ALPK1: variants seen among roughly 807,000 people sequenced by gnomAD.
ALPK1 encodes the protein alpha kinase 1.
In ALPK1, 110 loss-of-function variants were observed where a neutral mutation model predicts 120.6. That is an observed-to-expected ratio of 0.91 (90% CI 0.78 to 1.07). The LOEUF is 1.07. Among genes scored for constraint, ALPK1 ranks in the 50% least tolerant of loss-of-function variants. The probability of loss-of-function intolerance (pLI) is 0.00; values close to 1 mark genes in which losing one functional copy is unlikely to be tolerated. For missense variants in ALPK1, 1,498 were observed against 1,483.9 expected, an observed-to-expected ratio of 1.01 and a Z score of -0.16; for synonymous variants, 582 against 560.3, an observed-to-expected ratio of 1.04 and a Z score of -0.55.
chr4:112,354,688 G>A (rs972477652), intron 2 of ALPK1, among the ~76,000 whole-genome samples: 4 of 152,030 alleles, frequency 2.6e-5, no homozygotes, highest in African/African-American at 7.2e-5. Context: ...GGCTGGTCTC[G>A]AACTCCTGGC....
chr4:112,376,398 T>C (rs1273499319), intron 2 of ALPK1, among the ~76,000 whole-genome samples: 2 of 150,534 alleles, frequency 1.3e-5, no homozygotes, highest in Non-Finnish European at 3.0e-5. Context: ...ATGTGTGTAA[T>C]GTGTGTGTGT....
intron 5 of ALPK1, among the ~76,000 whole-genome samples, chr4:112,422,518 C>G (rs1734044579): frequency 6.6e-6 from 1 of 152,172 alleles, no homozygotes; most frequent in East Asian, 1.9e-4. Flanking sequence ...CTTCCAGGAA[C>G]AATTTCTTCA....
chr4:112,341,543 T>G (rs1729863696), intron 2 of ALPK1, among the ~76,000 whole-genome samples: 1 of 152,252 alleles, frequency 6.6e-6, no homozygotes, highest in African/African-American at 2.4e-5. Flanking sequence ...AAATATGTGC[T>G]GTACCAAATT....
chr4:112,329,698 T>C (rs1312166788), intron 2 of ALPK1, among the ~76,000 whole-genome samples: 1 of 152,224 alleles, frequency 6.6e-6, no homozygotes, highest in Non-Finnish European at 1.5e-5. Context: ...AAATAGGCTC[T>C]GGAAGACAGT....
intron 9 of ALPK1, 59 bp downstream of exon 9, chr4:112,427,724 G>T: frequency 2.4e-6 from 3 of 1,252,164 alleles, no homozygotes; most frequent in South Asian, 1.2e-5. Context: ...GTCCTTGGTG[G>T]TTGGTTAGTG....
rs1344102033 is a variant in ALPK1 at position 112,412,012 on chromosome 4, C to T, written c.462C>T (p.Ile154=). 1.2e-6 allele frequency: 2 copies of T among 1,614,068 alleles called. No individual in the cohort carries two copies. The highest frequency in any genetic ancestry group is 4.5e-5 in the East Asian group (2 of 44,878). Reference sequence around the variant, plus strand: ...AGGTGGTTATTCGCCAAGCCCGAATCTCCGTGAACTCAGGTATGCTCCCTC... The same window carrying T: ...AGGTGGTTATTCGCCAAGCCCGAATTTCCGTGAACTCAGGTATGCTCCCTC... The part of the protein sequence containing the change: ...APQVVIRQAR[I]SVNSGKLLKA... The change falls in exon 5 of 16, where the codon ATC becomes ATT. Residue 154 remains isoleucine, a synonymous_variant. Coordinates refer to ENST00000650871, the MANE Select transcript of ALPK1 (RefSeq NM_025144.4).
intron 2 of ALPK1, among the ~76,000 whole-genome samples, chr4:112,377,451 G>C (rs1299750590): frequency 6.6e-6 from 1 of 152,178 alleles, no homozygotes; most frequent in Non-Finnish European, 1.5e-5. Context: ...ACTGTGGATA[G>C]ATAACTGGGG....
chr4:112,434,368 G>C (rs1734702437), intron 11 of ALPK1, among the ~76,000 whole-genome samples: 1 of 152,110 alleles, frequency 6.6e-6, no homozygotes, highest in African/African-American at 2.4e-5. Flanking sequence ...GCCCAGAACT[G>C]TCAGTTTATC....
In ALPK1 at chr4:112,431,762, C is replaced by T. The variant is rs1734566588; in HGVS notation, c.2215C>T (p.Gln739Ter). The T allele has an allele frequency of 6.2e-7, 1 of 1,613,984 alleles. No individual in the cohort carries two copies. Reference protein sequence around the residue: ...PKNMGTHPSVQKEEAFEIIVE... With the variant: ...PKNMGTHPSV ...GAATATGGGCACACATCCTTCAGTC[C>T]AAAAAGAAGAAGCCTTTGAAATAAT... The change falls in exon 11 of 16, where the codon CAA (glutamine) becomes TAA (stop). Residue 739 changes from glutamine (Q) to a stop codon, truncating the protein, a stop_gained. Transcript: ENST00000650871. LOFTEE classifies it high-confidence loss of function.
At chr4:112,312,276 G>C (rs11936775) in intron 1 of ALPK1, among the ~76,000 whole-genome samples, 46,944 of 151,480 alleles carry the variant, frequency 0.31, 7,784 homozygotes, top group African/African-American at 0.42. Flanking sequence ...TAAAAATCTA[G>C]ATTCTTTTTT....
chr4:112,439,011 C>T (rs1267895948), intron 13 of ALPK1, among the ~76,000 whole-genome samples: 2 of 152,156 alleles, frequency 1.3e-5, no homozygotes, highest in African/African-American at 4.8e-5. Context: ...TAACTTCTGT[C>T]CATGGATTAC....
rs1350686930 is a variant in ALPK1 at position 112,432,412 on chromosome 4, G to C, written c.2865G>C (p.Gly955=). Reference sequence around the variant, plus strand: ...CTTGGTCCTATCTGAATTCCAGTGGGAGTTCTTGGGTTTCATTGCCGGGAA... The same window carrying C: ...CTTGGTCCTATCTGAATTCCAGTGGCAGTTCTTGGGTTTCATTGCCGGGAA... ...DSPWSYLNSS[G]SSWVSLPGKM... is the part of the protein sequence containing the mutation. The change falls in exon 11 of 16, where the codon GGG becomes GGC. Residue 955 remains glycine, a synonymous_variant. Coordinates refer to ENST00000650871, the MANE Select transcript of ALPK1 (RefSeq NM_025144.4). The C allele has an allele frequency of 1.9e-6, 3 of 1,614,060 alleles. No individual in the cohort carries two copies. In the African/African-American group the frequency reaches 4.0e-5, roughly 22 times the overall value.
intron 5 of ALPK1, among the ~76,000 whole-genome samples, chr4:112,421,987 G>A (rs13120853): frequency 1.9e-4 from 29 of 152,084 alleles, no homozygotes; most frequent in African/African-American, 5.8e-4. Context: ...TGTCCTTTGC[G>A]GCCATTGTTA....
chr4:112,297,602 C>T (rs946761114), intron 1 of ALPK1, 133 bp downstream of exon 1: 1 of 146,424 alleles, frequency 6.8e-6, no homozygotes, highest in African/African-American at 2.5e-5. Context: ...CTCTAAGAAC[C>T]TTTGCACTTC....
chr4:112,325,641 A>C (rs533884217), intron 2 of ALPK1, among the ~76,000 whole-genome samples: 37 of 152,268 alleles, frequency 2.4e-4, no homozygotes, highest in African/African-American at 8.9e-4. Flanking sequence ...TTGTTATCAC[A>C]CATCTCAACT....
At chr4:112,339,060 C>T (rs1729748329) in intron 2 of ALPK1, among the ~76,000 whole-genome samples, 2 of 152,168 alleles carry the variant, frequency 1.3e-5, no homozygotes, top group South Asian at 4.1e-4. Context: ...CATGCATCTT[C>T]AAAAATATTT....
chr4:112,352,967 T>G (rs1560649355), intron 2 of ALPK1: 1 of 117,316 alleles, frequency 8.5e-6, no homozygotes, highest in South Asian at 2.9e-4. Flanking sequence ...TTTCCTTTCC[T>G]TTCCTTTTTT....
At chr4:112,308,352 TG>T (rs1232080542) in intron 1 of ALPK1, among the ~76,000 whole-genome samples, 3 of 152,102 alleles carry the variant, frequency 2.0e-5, no homozygotes, top group African/African-American at 7.3e-5. Context: ...TTTTCCAACT[TG>T]GTTCCATTCT....
At chr4:112,400,039 A>C (rs574782367) in intron 4 of ALPK1, among the ~76,000 whole-genome samples, 17 of 152,256 alleles carry the variant, frequency 1.1e-4, no homozygotes, top group Non-Finnish European at 2.2e-4. Context: ...TGCTATTGTA[A>C]ATAGTGCTGC....
Sources: gnomAD v4.1 joint callset for allele counts (sites outside exome capture counted in the v4.1 genomes callset) on GRCh38, gnomAD v4.1.1 for gene constraint, MANE v1.5 for transcripts, NCBI Gene and HGNC (gene_info 2026-07-23, HGNC 2026-07-21) for gene names.